NFATC1: variants seen among roughly 807,000 people sequenced by gnomAD.
NFATC1 encodes nuclear factor of activated T cells 1, also known as nuclear factor of activated T-cells, cytoplasmic 1.
Under a neutral mutation model 76.0 loss-of-function variants are expected in NFATC1, and 22 were observed. That is an observed-to-expected ratio of 0.29 (90% CI 0.21 to 0.41). The LOEUF (loss-of-function observed/expected upper bound fraction) is 0.41. NFATC1 is among the 10% of genes least tolerant of loss of function. NFATC1 has a pLI of 1.00. For synonymous variants in NFATC1, 704 were observed against 613.1 expected, an observed-to-expected ratio of 1.15 and a Z score of -2.19; for missense variants, 1,357 against 1,337.7, an observed-to-expected ratio of 1.01 and a Z score of -0.23.
At chr18:79,459,619 G>A (rs1253144262) in intron 6 of NFATC1, among the ~76,000 whole-genome samples, 1 of 152,240 alleles carries the variant, frequency 6.6e-6, no homozygotes, top group African/African-American at 2.4e-5. Flanking sequence ...AGCTGAAGTT[G>A]TGACTCTGAG....
intron 2 of NFATC1, among the ~76,000 whole-genome samples, chr18:79,413,418 C>G (rs2085766398): frequency 6.6e-6 from 1 of 152,218 alleles, no homozygotes; most frequent in South Asian, 2.1e-4. Flanking sequence ...TCTGCCTGAC[C>G]TGTCTCCCTG....
chr18:79,509,077 G>A (rs923010825), intron 9 of NFATC1, among the ~76,000 whole-genome samples: 19 of 152,228 alleles, frequency 1.2e-4, no homozygotes, highest in African/African-American at 3.9e-4. Context: ...TAGAGCATTG[G>A]AGAGACCCGC....
intron 4 of NFATC1, among the ~76,000 whole-genome samples, chr18:79,450,564 G>A (rs939861125): frequency 1.3e-5 from 2 of 152,132 alleles, no homozygotes; most frequent in South Asian, 2.1e-4. Flanking sequence ...GCTCTCTGCC[G>A]CTCTGGTGAC....
chr18:79,410,329 G>C lies in NFATC1; in HGVS notation c.128-74G>C. 1 of 1,525,604 alleles carries C rather than the reference G, an allele frequency of 6.6e-7. No homozygotes were observed. Among genetic ancestry groups the C allele is most frequent in the South Asian group, 1.3e-5 (1 of 78,432 alleles). The allele number at this position is 1,525,604 out of a possible 1,614,324, so 94.5% of individuals were successfully genotyped here. Reference sequence around the variant, plus strand: ...TGGTCGAGGCCGGGGGTTGCTGGCCGGCCCTGAGTTCATGGGTTTCTGCTT... The same window carrying C: ...TGGTCGAGGCCGGGGGTTGCTGGCCCGCCCTGAGTTCATGGGTTTCTGCTT... On this transcript the variant is annotated intron_variant, in intron 1 of 9. Transcript: ENST00000427363. The surrounding 1 kb of genome is among the most constrained non-coding windows in gnomAD (Gnocchi z 6.7).
chr18:79,446,373 G>T (rs2087205985), intron 3 of NFATC1, among the ~76,000 whole-genome samples: 1 of 152,170 alleles, frequency 6.6e-6, no homozygotes, highest in African/African-American at 2.4e-5. Context: ...TGACCCTGGA[G>T]CTGCCCCGGT....
chr18:79,425,097 C>T (rs948164587), intron 2 of NFATC1, among the ~76,000 whole-genome samples: 2 of 150,702 alleles, frequency 1.3e-5, no homozygotes, highest in African/African-American at 4.9e-5. Flanking sequence ...CTCTGTCTCT[C>T]CATCTCTCTG....
intron 1 of NFATC1, among the ~76,000 whole-genome samples, chr18:79,401,376 G>C (rs373191136): frequency 6.6e-6 from 1 of 152,180 alleles, no homozygotes; most frequent in Admixed American, 6.5e-5. Flanking sequence ...CCAACGTCTT[G>C]ATCATTTTTT....
At chr18:79,471,203 G>A (rs1206202848) in intron 8 of NFATC1, among the ~76,000 whole-genome samples, 1 of 152,210 alleles carries the variant, frequency 6.6e-6, no homozygotes, top group Non-Finnish European at 1.5e-5. Flanking sequence ...TGCCAGGAAG[G>A]TTGGCAGTTC....
chr18:79,442,273 G>A (rs1039981680), intron 3 of NFATC1, among the ~76,000 whole-genome samples: 4 of 152,260 alleles, frequency 2.6e-5, no homozygotes, highest in Non-Finnish European at 4.4e-5. Context: ...GGGCCCACAG[G>A]TGTGGCCGGG....
chr18:79,514,079 G>A (rs2090323868), intron 9 of NFATC1, among the ~76,000 whole-genome samples: 1 of 152,194 alleles, frequency 6.6e-6, no homozygotes, highest in South Asian at 2.1e-4. Flanking sequence ...AGGTTCAGCT[G>A]TGAGCCGGTC....
At position 79,465,111 on chromosome 18, in the gene NFATC1, C is replaced by T. The variant is rs773824542; in HGVS notation, c.1960-2339C>T. ...CAACAGTGGAGTTTAAAGCAGGTTG[C>T]GTAGGTGCTGGTGCCATTTGGAACC... On this transcript the variant is annotated intron_variant, in intron 7 of 9. Transcript: ENST00000427363. This position sits in a 1 kb window ranked among gnomAD's most constrained non-coding sequence, Gnocchi z 4.2. 2.0e-5 allele frequency among the ~76,000 whole-genome samples: 3 copies of T among 152,050 alleles called. No individual in the cohort carries two copies. Among genetic ancestry groups the T allele is most frequent in the Non-Finnish European group, 2.9e-5 (2 of 68,020 alleles).
intron 8 of NFATC1, among the ~76,000 whole-genome samples, chr18:79,475,257 T>C (rs2089013377): frequency 7.0e-6 from 1 of 142,636 alleles, no homozygotes. Flanking sequence ...ACCGTCGACG[T>C]TGTAAACCTG....
At position 79,411,383 on chromosome 18, in the gene NFATC1, G is replaced by A; in HGVS notation, c.1108G>A (p.Asp370Asn). Residue 370 changes from aspartate to asparagine, a missense_variant, in exon 2 of 10, where the codon GAC becomes AAC. Coordinates refer to ENST00000427363, the MANE Select transcript of NFATC1 (RefSeq NM_001278669.2). ...PPPPADFAPE[D>N]YSSFQHIRKG... ...GCCCCCGGCCGACTTCGCGCCCGAA[G>A]ACTACTCCTCTTTCCAGCACATCAG... 2 of 1,583,652 alleles carry A rather than the reference G, an allele frequency of 1.3e-6. No individual in the cohort carries two copies. The highest frequency in any genetic ancestry group is 1.7e-6 in the Non-Finnish European group (2 of 1,167,102).
intron 6 of NFATC1, among the ~76,000 whole-genome samples, chr18:79,453,244 C>T (rs2087549631): frequency 6.6e-6 from 1 of 152,248 alleles, no homozygotes. Context: ...TGGCTCCCAG[C>T]TTCTGCTTTT....
At chr18:79,451,880 G>C in intron 6 of NFATC1, 64 bp downstream of exon 6, 1 of 1,549,170 alleles carries the variant, frequency 6.5e-7, no homozygotes, top group Non-Finnish European at 8.7e-7. Flanking sequence ...CCGGTTCCCA[G>C]TCGGTGGAGC....
chr18:79,486,618 G>C lies in NFATC1; in HGVS notation c.2463G>C (p.Leu821=). ...CGCCCGGGCAGCCACCCCCGGCCCT[G>C]CTGCCACAGCAGGTGAGTGCGCCTC... The part of the protein sequence containing the change: ...PGSPGQPPPA[L]LPQQVSAPPS... The change falls in exon 9 of 10, where the codon CTG becomes CTC. Residue 821 remains leucine (L), a synonymous_variant. Transcript: ENST00000427363. 6.3e-7 allele frequency: 1 copy of C among 1,598,210 alleles called. No homozygotes were observed. The highest frequency in any genetic ancestry group is 8.5e-7 in the Non-Finnish European group (1 of 1,176,062).
intron 9 of NFATC1, among the ~76,000 whole-genome samples, chr18:79,508,239 C>T (rs558748005): frequency 9.9e-5 from 15 of 152,066 alleles, no homozygotes; most frequent in African/African-American, 3.1e-4. Flanking sequence ...GAGGGACGGA[C>T]GGACGGAGGG....
At chr18:79,444,669 G>A (rs543760176) in intron 3 of NFATC1, among the ~76,000 whole-genome samples, 2 of 152,150 alleles carry the variant, frequency 1.3e-5, no homozygotes, top group African/African-American at 4.8e-5. Context: ...AGGCACCCCT[G>A]TGGGCACCCA....
At chr18:79,396,776 A>T (rs2085019825) in intron 1 of NFATC1, among the ~76,000 whole-genome samples, 1 of 151,266 alleles carries the variant, frequency 6.6e-6, no homozygotes, top group Non-Finnish European at 1.5e-5. Flanking sequence ...TGGCGCCAAG[A>T]TCGCGGTTTG....
Sources: gnomAD v4.1 joint callset for allele counts (sites outside exome capture counted in the v4.1 genomes callset) on GRCh38, gnomAD v4.1.1 for gene constraint, Gnocchi (gnomAD v3.1) non-coding constraint, MANE v1.5 for transcripts, NCBI Gene and HGNC (gene_info 2026-07-23, HGNC 2026-07-21) for gene names.